The following GGACT variants were observed in gnomAD, a reference collection of about 807,000 sequenced individuals.
The protein encoded by GGACT is gamma-glutamylaminecyclotransferase.
For synonymous variants in GGACT, 118 were observed against 115.3 expected (o/e 1.02, Z -0.15); for missense variants, 241 against 233.2 (o/e 1.03, Z -0.22).
intron 2 of GGACT, among the ~76,000 whole-genome samples, chr13:100,552,949 TG>T (rs2088678500): frequency 6.9e-6 from 1 of 145,650 alleles, no homozygotes; most frequent in Non-Finnish European, 1.5e-5. Flanking sequence ...GTAGAGCCTC[TG>T]GGGATACCCA....
At chr13:100,579,478 C>A (rs546285741) in intron 2 of GGACT, among the ~76,000 whole-genome samples, 1 of 152,208 alleles carries the variant, frequency 6.6e-6, no homozygotes, top group East Asian at 1.9e-4. Context: ...TTCCCCAAAG[C>A]CAGCCATAAA....
chr13:100,560,804 G>A (rs1566535205), intron 2 of GGACT, among the ~76,000 whole-genome samples: 1 of 152,202 alleles, frequency 6.6e-6, no homozygotes, highest in Non-Finnish European at 1.5e-5. Context: ...TGTGTTCCTA[G>A]GACATGGTGT....
In GGACT at chr13:100,581,672, G is replaced by A. The variant is rs138887235; in HGVS notation, c.-11+2153C>T. Among the ~76,000 whole-genome samples, 1,044 of 152,312 alleles carry A rather than the reference G, an allele frequency of 6.9e-3. 9 individuals carry two copies. Among genetic ancestry groups the A allele is most frequent in the Non-Finnish European group, 0.012 (784 of 68,034 alleles). ...CCTTCAGAAGTGCAGGCTGCTCACT[G>A]TGACTTCCTTTCAGAGCACAGTATG... On this transcript the variant is annotated intron_variant, in intron 2 of 2. Coordinates refer to ENST00000683975, the MANE Select transcript of GGACT (RefSeq NM_001195087.2).
intron 2 of GGACT, among the ~76,000 whole-genome samples, chr13:100,547,889 A>G (rs2088622809): frequency 6.6e-6 from 1 of 152,228 alleles, no homozygotes; most frequent in African/African-American, 2.4e-5. Flanking sequence ...GTGAGTTCCC[A>G]CGAAGAAACA....
At chr13:100,587,716 G>A (rs1875621687) in intron 1 of GGACT, among the ~76,000 whole-genome samples, 1 of 152,140 alleles carries the variant, frequency 6.6e-6, no homozygotes, top group Admixed American at 6.5e-5. Context: ...TTAGCAAAAC[G>A]AATAACTTGC....
At chr13:100,551,461 A>T (rs1466217848) in intron 2 of GGACT, among the ~76,000 whole-genome samples, 1 of 152,180 alleles carries the variant, frequency 6.6e-6, no homozygotes, top group Non-Finnish European at 1.5e-5. Flanking sequence ...ACTGGTATTA[A>T]CAGACTTCCC....
At chr13:100,559,172 T>C (rs1230258257) in intron 2 of GGACT, among the ~76,000 whole-genome samples, 1 of 152,208 alleles carries the variant, frequency 6.6e-6, no homozygotes, top group Non-Finnish European at 1.5e-5. Flanking sequence ...CATTTTATTT[T>C]ACTTATTAAT....
At chr13:100,587,719 T>A (rs1028024255) in intron 1 of GGACT, among the ~76,000 whole-genome samples, 1 of 152,204 alleles carries the variant, frequency 6.6e-6, no homozygotes, top group African/African-American at 2.4e-5. Context: ...GCAAAACGAA[T>A]AACTTGCTTT....
rs375927520 is a variant in GGACT at position 100,545,066 on chromosome 13, C to T, written c.-10-12465G>A. On this transcript the variant is annotated intron_variant, in intron 2 of 2. Coordinates refer to ENST00000683975, the MANE Select transcript of GGACT (RefSeq NM_001195087.2). This position sits in a 1 kb window ranked among gnomAD's most constrained non-coding sequence, Gnocchi z 4.4. ...GAGCCAGGAACACATGCTGGGCAGG[C>T]GGCCAGCGGCCCAACACTGGAGATG... is the stretch of plus-strand genomic sequence containing the variant. 3.5e-4 allele frequency among the ~76,000 whole-genome samples: 54 copies of T among 152,326 alleles called. No homozygotes were observed. The East Asian group carries it at 8.3e-3, about 24-fold the overall frequency.
At chr13:100,550,459 C>CACACA (rs1403906826) in intron 2 of GGACT, among the ~76,000 whole-genome samples, 3 of 145,272 alleles carry the variant, frequency 2.1e-5, no homozygotes, top group African/African-American at 2.5e-5. Context: ...CACACACACA[C>CACACA]CACTTTTAAA....
intron 2 of GGACT, chr13:100,538,258 C>T (rs1475499722): frequency 1.3e-5 from 2 of 152,220 alleles, no homozygotes; most frequent in African/African-American, 4.8e-5. Context: ...GACCCCAAGG[C>T]CCAAGGGAGG....
chr13:100,581,156 A>G (rs1875406592), intron 2 of GGACT, among the ~76,000 whole-genome samples: 1 of 152,196 alleles, frequency 6.6e-6, no homozygotes, highest in Non-Finnish European at 1.5e-5. Flanking sequence ...ACACACAGAC[A>G]TTTCCTTGCT....
chr13:100,537,404 T>C (rs996695198), intron 2 of GGACT: 3 of 152,214 alleles, frequency 2.0e-5, no homozygotes, highest in African/African-American at 7.2e-5. Context: ...GGATGGCTGG[T>C]GATAGCTGAA....
At chr13:100,579,978 G>A (rs1484859464) in intron 2 of GGACT, 3 of 152,252 alleles carry the variant, frequency 2.0e-5, no homozygotes, top group Admixed American at 6.5e-5. Flanking sequence ...GTGGAACTTA[G>A]GTCTCCTGTC....
Position 100,535,113 on chromosome 13 carries a change from AG to A in GGACT, c.-10-2513del, listed in dbSNP as rs561707153. On this transcript the variant is annotated intron_variant, in intron 2 of 2. Transcript: ENST00000683975. Reference sequence around the variant, plus strand: ...CCGAGTCCCAGGCTGGTGGCGATCTAGGACCAGCCAGCCGGGCAGGGCCGTA... The same window carrying A: ...CCGAGTCCCAGGCTGGTGGCGATCTAGACCAGCCAGCCGGGCAGGGCCGTA... 7.7e-3 allele frequency among the ~76,000 whole-genome samples: 1,178 copies of A among 152,350 alleles called. 7 individuals carry two copies. Among genetic ancestry groups the A allele is most frequent in the Non-Finnish European group, 0.011 (749 of 68,036 alleles).
chr13:100,573,396 A>T (rs964188060), intron 2 of GGACT, among the ~76,000 whole-genome samples: 2 of 152,220 alleles, frequency 1.3e-5, no homozygotes, highest in Non-Finnish European at 2.9e-5. Flanking sequence ...AGAGACCCAT[A>T]TATAACTTTT....
intron 2 of GGACT, among the ~76,000 whole-genome samples, chr13:100,574,362 T>C (rs932744238): frequency 6.6e-5 from 10 of 152,082 alleles, no homozygotes; most frequent in Admixed American, 6.6e-4. Flanking sequence ...AATCACTTGA[T>C]GTCAGGAGTT....
chr13:100,557,714 A>C (rs2088721827), intron 2 of GGACT, among the ~76,000 whole-genome samples: 1 of 152,214 alleles, frequency 6.6e-6, no homozygotes, highest in African/African-American at 2.4e-5. Flanking sequence ...AACATGAATA[A>C]GTTTTGACTT....
intron 2 of GGACT, chr13:100,537,428 G>C (rs1161797856): frequency 6.6e-6 from 1 of 152,334 alleles, no homozygotes; most frequent in East Asian, 1.9e-4. Flanking sequence ...GCCAGGCAGC[G>C]GGGAGGCAGA....
Sources: gnomAD v4.1 joint callset for allele counts (sites outside exome capture counted in the v4.1 genomes callset) on GRCh38, gnomAD v4.1.1 for gene constraint, Gnocchi (gnomAD v3.1) non-coding constraint, MANE v1.5 for transcripts, NCBI Gene and HGNC (gene_info 2026-07-23, HGNC 2026-07-21) for gene names.